Variants in RAB21 observed in about 807,000 individuals in gnomAD.
The protein encoded by RAB21 is RAB21, member RAS oncogene family, also known as ras-related protein Rab-21.
Under a neutral mutation model 33.1 loss-of-function variants are expected in RAB21, and 13 were observed. The ratio of observed to expected loss-of-function variants is 0.39; its 90% confidence interval spans 0.26 to 0.62. The LOEUF (loss-of-function observed/expected upper bound fraction) is 0.62. Among genes scored for constraint, RAB21 ranks in the 20% least tolerant of loss-of-function variants. The probability of loss-of-function intolerance (pLI) is 0.48; values close to 1 mark genes in which losing one functional copy is unlikely to be tolerated. For synonymous variants in RAB21, 91 were observed against 103.7 expected (o/e 0.88, Z 0.74); for missense variants, 234 against 279.1 (o/e 0.84, Z 1.15).
chr12:71,765,200 A>G (rs987212851), intron 1 of RAB21, among the ~76,000 whole-genome samples: 20 of 152,206 alleles, frequency 1.3e-4, no homozygotes, highest in Non-Finnish European at 2.8e-4. Flanking sequence ...CATTTCCCTG[A>G]TAATTAGTCA....
rs1468927131 is a variant in RAB21, at chr12:71,794,752, A to G, written c.*9079A>G. 3 of 146,118 alleles carry G rather than the reference A, an allele frequency of 2.1e-5. No homozygotes were observed. The highest frequency in any genetic ancestry group is 4.5e-5 in the Non-Finnish European group (3 of 66,750). The allele number at this position is 146,118 out of a possible 1,614,324, so 9.1% of individuals were successfully genotyped here. ...CGAGCCCAGCTATATTTATAAATTT[A>G]TATATATTTCATATATATATTATAT... On this transcript the variant is annotated 3_prime_UTR_variant, in exon 7 of 7. Transcript: ENST00000261263.
chr12:71,793,182 A>C lies in RAB21; in HGVS notation c.*7509A>C, dbSNP rs1006731317. 1 of 152,076 alleles carries C rather than the reference A, an allele frequency of 6.6e-6. No individual in the cohort carries two copies. Among genetic ancestry groups the C allele is most frequent in the Non-Finnish European group, 1.5e-5 (1 of 68,012 alleles). 9.4% of individuals were successfully genotyped at this position (152,076 alleles called of 1,614,324 possible). ...GTTTGGTTTTGCGGTGATTTTTTTTAACCTAGAAAAAATACAATTTAAAAA... is the reference window on the plus strand; with the variant it reads ...GTTTGGTTTTGCGGTGATTTTTTTTCACCTAGAAAAAATACAATTTAAAAA... On this transcript the variant is annotated 3_prime_UTR_variant, in exon 7 of 7. Coordinates refer to ENST00000261263, the MANE Select transcript of RAB21 (RefSeq NM_014999.4).
intron 1 of RAB21, among the ~76,000 whole-genome samples, chr12:71,755,567 G>C (rs1402355049): frequency 5.3e-5 from 8 of 152,206 alleles, no homozygotes; most frequent in Admixed American, 5.2e-4. Context: ...TCCGTGGGCT[G>C]TTTTTTCCCA....
At chr12:71,780,663 T>C (rs1482550374) in intron 4 of RAB21, among the ~76,000 whole-genome samples, 1 of 152,180 alleles carries the variant, frequency 6.6e-6, no homozygotes, top group Non-Finnish European at 1.5e-5. Flanking sequence ...TGGCAGATAG[T>C]TTCTTGCAGT....
rs1311120140 is a variant in RAB21 at position 71,755,166 on chromosome 12, G to A, written c.37G>A (p.Ala13Thr). The change falls in exon 1 of 7, where the codon GCG becomes ACG. Residue 13 changes from alanine (A) to threonine (T), a missense_variant. Ala to Thr is a moderately conservative substitution (Grantham distance 58, BLOSUM62 0). Transcript: ENST00000261263. ...AAGGGGGGAA[A>T]AGRAYSFKVV... ...CGGCGGCGGCGGCGGCGGGGCGGCG[G>A]CGGCGGGCCGAGCCTACTCGTTCAA... 3.0e-6 allele frequency: 4 copies of A among 1,320,864 alleles called. No individual in the cohort carries two copies. The highest frequency in any genetic ancestry group is 3.9e-6 in the Non-Finnish European group (4 of 1,035,598). 81.8% of individuals were successfully genotyped at this position (1,320,864 alleles called of 1,614,324 possible).
chr12:71,763,255 C>A (rs1882906401), intron 1 of RAB21, among the ~76,000 whole-genome samples: 2 of 151,334 alleles, frequency 1.3e-5, no homozygotes, highest in African/African-American at 4.9e-5. Flanking sequence ...ATGTTGCTTT[C>A]AACAGATACC....
Position 71,770,169 on chromosome 12 carries a change from G to T in RAB21, c.219+310G>T, listed in dbSNP as rs113963428. 4.5e-3 allele frequency among the ~76,000 whole-genome samples: 692 copies of T among 152,226 alleles called. 4 individuals carry two copies. Among genetic ancestry groups the T allele is most frequent in the African/African-American group, 0.015 (640 of 41,526 alleles). On this transcript the variant is annotated intron_variant, in intron 2 of 6. Transcript: ENST00000261263. Reference sequence around the variant, plus strand: ...AGCCTTCTAAGAGAATGGCTGGTGGGTGAGGATAATGCAGCAGATACTTCT... The same window carrying T: ...AGCCTTCTAAGAGAATGGCTGGTGGTTGAGGATAATGCAGCAGATACTTCT...
chr12:71,779,681 C>G (rs1323515087), intron 4 of RAB21, among the ~76,000 whole-genome samples: 1 of 152,172 alleles, frequency 6.6e-6, no homozygotes, highest in Non-Finnish European at 1.5e-5. Context: ...TAAGGAAGAT[C>G]TGCTTAACTT....
intron 1 of RAB21, among the ~76,000 whole-genome samples, chr12:71,766,656 C>G (rs894119158): frequency 6.6e-6 from 1 of 152,052 alleles, no homozygotes; most frequent in Non-Finnish European, 1.5e-5. Flanking sequence ...AGAGTTGATT[C>G]CCTAAAATTC....
At chr12:71,782,400 GTTAT>G (rs1193435565) in intron 5 of RAB21, 166 bp from the exon 6 acceptor site, 4 of 524,552 alleles carry the variant, frequency 7.6e-6, no homozygotes, top group Non-Finnish European at 1.3e-5. Flanking sequence ...TTATATTTGT[GTTAT>G]TTAAAATTTG....
intron 1 of RAB21, among the ~76,000 whole-genome samples, chr12:71,756,204 C>T (rs1882783356): frequency 6.6e-6 from 1 of 152,180 alleles, no homozygotes; most frequent in Non-Finnish European, 1.5e-5. Flanking sequence ...CATGTCTCAC[C>T]TCCATCCATT....
chr12:71,791,042 G>T lies in RAB21; in HGVS notation c.*5369G>T, dbSNP rs1274045287. 1 of 152,030 alleles carries T rather than the reference G, an allele frequency of 6.6e-6. No individual in the cohort carries two copies. Among genetic ancestry groups the T allele is most frequent in the Non-Finnish European group, 1.5e-5 (1 of 68,030 alleles). 9.4% of individuals were successfully genotyped at this position (152,030 alleles called of 1,614,324 possible). On this transcript the variant is annotated 3_prime_UTR_variant, in exon 7 of 7. Transcript: ENST00000261263. ...GTGTCACCCAGGCTGGAGTGTGGTG[G>T]CTCAGTGATAGTTCACTGCATCCTT... is the stretch of plus-strand genomic sequence containing the variant.
At chr12:71,758,389 C>T (rs1348981498) in intron 1 of RAB21, among the ~76,000 whole-genome samples, 1 of 152,122 alleles carries the variant, frequency 6.6e-6, no homozygotes, top group African/African-American at 2.4e-5. Context: ...CTTGGTGTCT[C>T]ATATGACATT....
chr12:71,766,067 A>T (rs1317081208), intron 1 of RAB21, among the ~76,000 whole-genome samples: 1 of 152,150 alleles, frequency 6.6e-6, no homozygotes, highest in Admixed American at 6.5e-5. Context: ...CTTTGATAAT[A>T]TGCTTTACTA....
At chr12:71,775,525 G>A (rs937211113) in intron 4 of RAB21, among the ~76,000 whole-genome samples, 2 of 152,086 alleles carry the variant, frequency 1.3e-5, no homozygotes, top group African/African-American at 4.8e-5. Flanking sequence ...GGCAAATTCT[G>A]CTTTTAGCCT....
At chr12:71,770,128 T>A (rs1883020571) in intron 2 of RAB21, among the ~76,000 whole-genome samples, 1 of 152,276 alleles carries the variant, frequency 6.6e-6, no homozygotes, top group East Asian at 1.9e-4. Flanking sequence ...TTCCCCACCC[T>A]GTGTCTCCAT....
In RAB21 at chr12:71,789,809, C is replaced by T. The variant is rs75094703; in HGVS notation, c.*4136C>T. The T allele has an allele frequency of 6.6e-6, 1 of 152,028 alleles. No individual in the cohort carries two copies. The highest frequency in any genetic ancestry group is 1.9e-4 in the East Asian group (1 of 5,198). 9.4% of individuals were successfully genotyped at this position (152,028 alleles called of 1,614,324 possible). A position where few individuals can be genotyped will look rare whatever the true frequency, so the allele number is the denominator to read the frequency against. On this transcript the variant is annotated 3_prime_UTR_variant, in exon 7 of 7. Transcript: ENST00000261263. ...ATAACAGAGTAATATATTTGGTGTTCTGGACCAAAATTCGTGCTACACATA... is the reference window on the plus strand; with the variant it reads ...ATAACAGAGTAATATATTTGGTGTTTTGGACCAAAATTCGTGCTACACATA...
chr12:71,783,074 A>C (rs1362333273), intron 6 of RAB21, among the ~76,000 whole-genome samples: 2 of 152,092 alleles, frequency 1.3e-5, no homozygotes, highest in Non-Finnish European at 2.9e-5. Context: ...AGATACTATT[A>C]ATTTTTTAGG....
At chr12:71,762,408 C>A (rs920890032) in intron 1 of RAB21, among the ~76,000 whole-genome samples, 4 of 152,122 alleles carry the variant, frequency 2.6e-5, no homozygotes, top group Non-Finnish European at 5.9e-5. Flanking sequence ...CAGGTTCACG[C>A]CATTCTCCTG....
Sources: gnomAD v4.1 joint callset for allele counts (sites outside exome capture counted in the v4.1 genomes callset) on GRCh38, gnomAD v4.1.1 for gene constraint, MANE v1.5 for transcripts, NCBI Gene and HGNC (gene_info 2026-07-23, HGNC 2026-07-21) for gene names.